The following ADRA1A variants were observed in gnomAD, a reference collection of about 807,000 sequenced individuals.
The protein encoded by ADRA1A is adrenoceptor alpha 1A.
ADRA1A carries 31 observed loss-of-function variants against 29.6 expected under a neutral mutation model. The ratio of observed to expected loss-of-function variants is 1.05; its 90% CI spans 0.79 to 1.41. The LOEUF is 1.41. Among genes scored for constraint, ADRA1A ranks in the 40% most tolerant of loss-of-function variants. The pLI is 0.00. For missense variants in ADRA1A, 619 were observed against 601.1 expected (o/e 1.03, Z -0.31); for synonymous variants, 311 against 254.3 (o/e 1.22, Z -2.12).
At chr8:26,855,926 A>G (rs1002004076) in intron 2 of ADRA1A, among the ~76,000 whole-genome samples, 1 of 152,240 alleles carries the variant, frequency 6.6e-6, no homozygotes, top group Non-Finnish European at 1.5e-5. Context: ...ATGAGGTGAC[A>G]GAACACAGCA....
chr8:26,819,564 C>T (rs2130585972), intron 2 of ADRA1A, among the ~76,000 whole-genome samples: 1 of 152,118 alleles, frequency 6.6e-6, no homozygotes, highest in East Asian at 1.9e-4. Flanking sequence ...TAGATTGTTA[C>T]AACTATAAGA....
At chr8:26,801,880 C>T (rs114748259) in intron 2 of ADRA1A, among the ~76,000 whole-genome samples, 2,647 of 152,092 alleles carry the variant, frequency 0.017, 70 homozygotes, top group African/African-American at 0.057. Context: ...AACATGGTAC[C>T]GGCATAAAAA....
Position 26,864,041 on chromosome 8 carries a change from G to C in ADRA1A, c.883+46C>G, listed in dbSNP as rs3824231. ...AGTCTGGGGTAACAGAAGCCGAGGA[G>C]GGTGAAGACCCCCAGATGCTAAAGT... On this transcript the variant is annotated intron_variant, in intron 2 of 2. Coordinates refer to ENST00000380573, the MANE Select transcript of ADRA1A (RefSeq NM_000680.4). The surrounding 1 kb of genome is among the most constrained non-coding windows in gnomAD (Gnocchi z 8.1). The C allele has an allele frequency of 1.3e-6, 2 of 1,553,534 alleles. No individual in the cohort carries two copies. The highest frequency in any genetic ancestry group is 2.2e-5 in the East Asian group (1 of 44,496).
chr8:26,756,670 C>T lies in ADRA1A; in HGVS notation c.*89G>A, dbSNP rs753452867. On this transcript the variant is annotated 3_prime_UTR_variant, in exon 3 of 3. Coordinates refer to the ADRA1A transcript ENST00000380582. ...GCTCCTGGGCTCCTGGGGTGGATTCCAAAGACAGTGGGTCGCAGGACCAGT... is the reference window on the plus strand; with the variant it reads ...GCTCCTGGGCTCCTGGGGTGGATTCTAAAGACAGTGGGTCGCAGGACCAGT... 4 of 1,610,970 alleles carry T rather than the reference C, an allele frequency of 2.5e-6. No individual in the cohort carries two copies. The East Asian group carries it at 6.7e-5, about 27-fold the overall frequency.
At chr8:26,830,332 G>A (rs1810885984) in intron 2 of ADRA1A, among the ~76,000 whole-genome samples, 1 of 152,204 alleles carries the variant, frequency 6.6e-6, no homozygotes, top group Non-Finnish European at 1.5e-5. Flanking sequence ...GGAGGAACTT[G>A]GCTGTGGTAT....
intron 2 of ADRA1A, among the ~76,000 whole-genome samples, chr8:26,835,637 C>A (rs773436576): frequency 6.6e-6 from 1 of 152,188 alleles, no homozygotes; most frequent in African/African-American, 2.4e-5. Flanking sequence ...TTACCTTCCA[C>A]TTGTCCCTCC....
At chr8:26,767,126 T>C (rs968400402), downstream of ADRA1A, among the ~76,000 whole-genome samples, 1 of 152,134 alleles carries the variant, frequency 6.6e-6, no homozygotes, top group African/African-American at 2.4e-5. Context: ...TAAACTCAAA[T>C]TTTCCCTGTC....
At chr8:26,863,510 A>AT (rs200968352) in intron 2 of ADRA1A, among the ~76,000 whole-genome samples, 427 of 151,638 alleles carry the variant, frequency 2.8e-3, no homozygotes, top group Middle Eastern at 0.01. Context: ...ACATAAAATC[A>AT]TTTTTTTTTC....
intron 2 of ADRA1A, among the ~76,000 whole-genome samples, chr8:26,774,805 T>C (rs1338139939): frequency 6.6e-6 from 1 of 152,182 alleles, no homozygotes; most frequent in East Asian, 1.9e-4. Context: ...AGCAGCTGCA[T>C]GGCCCCAAAC....
intron 2 of ADRA1A, among the ~76,000 whole-genome samples, chr8:26,818,179 G>A (rs1221395903): frequency 2.6e-5 from 4 of 152,094 alleles, no homozygotes; most frequent in East Asian, 3.9e-4. Flanking sequence ...GTGGACAGAC[G>A]GTTTGACTAT....
intron 2 of ADRA1A, among the ~76,000 whole-genome samples, chr8:26,788,426 T>G (rs1807567463): frequency 6.6e-6 from 1 of 152,190 alleles, no homozygotes; most frequent in African/African-American, 2.4e-5. Context: ...TTAGACATAA[T>G]TTTTGAAAAA....
chr8:26,842,409 A>G (rs1811881997), intron 2 of ADRA1A, among the ~76,000 whole-genome samples: 1 of 152,136 alleles, frequency 6.6e-6, no homozygotes, highest in Non-Finnish European at 1.5e-5. Context: ...CTCTCTGTCT[A>G]TGGACAACTA....
At chr8:26,852,678 T>C (rs1391455356) in intron 2 of ADRA1A, among the ~76,000 whole-genome samples, 2 of 152,114 alleles carry the variant, frequency 1.3e-5, no homozygotes, top group Admixed American at 1.3e-4. Flanking sequence ...TCTCAAAGAA[T>C]TGCATCCATA....
In ADRA1A at chr8:26,812,696, A is replaced by G. The variant is rs12674980; in HGVS notation, c.884-42030T>C. 3.4e-3 allele frequency among the ~76,000 whole-genome samples: 507 copies of G among 150,806 alleles called. 15 individuals carry two copies. In the East Asian group the frequency reaches 0.08, roughly 24 times the overall value. On this transcript the variant is annotated intron_variant, in intron 2 of 2. Transcript: ENST00000380573. The stretch of plus-strand genomic sequence containing the variant: ...TATTATTTTTTTGAGATGGGGTCTC[A>G]CTCTGTCACCCAGGCTGGAGTGCAG...
intron 2 of ADRA1A, among the ~76,000 whole-genome samples, chr8:26,828,998 C>T (rs1810787704): frequency 6.6e-6 from 1 of 152,164 alleles, no homozygotes; most frequent in African/African-American, 2.4e-5. Flanking sequence ...AGGTTTTATG[C>T]ATGAGATGGT....
At chr8:26,750,361 C>T (rs1804867940) in intron 2 of ADRA1A, among the ~76,000 whole-genome samples, 1 of 152,108 alleles carries the variant, frequency 6.6e-6, no homozygotes, top group South Asian at 2.1e-4. Context: ...GCCACCATGC[C>T]CAACTAATTT....
At chr8:26,813,717 G>A (rs574795643) in intron 2 of ADRA1A, among the ~76,000 whole-genome samples, 2 of 150,442 alleles carry the variant, frequency 1.3e-5, no homozygotes, top group Non-Finnish European at 2.9e-5. Flanking sequence ...TCAATAGCTA[G>A]TTTTGATAAG....
downstream of ADRA1A, among the ~76,000 whole-genome samples, chr8:26,754,514 G>A (rs892876632): frequency 6.6e-6 from 1 of 151,978 alleles, no homozygotes; most frequent in Non-Finnish European, 1.5e-5. Context: ...ATTGTTAAAG[G>A]TTACAGAAAA....
intron 2 of ADRA1A, chr8:26,748,750 TAAAA>T (rs35884587): frequency 2.4e-3 from 725 of 302,272 alleles, no homozygotes; most frequent in East Asian, 3.8e-3. Flanking sequence ...AGACTTCGTC[TAAAA>T]AAAAAAAAAA....
Sources: allele counts gnomAD v4.1 joint callset (sites outside exome capture counted in the v4.1 genomes callset), GRCh38; gene constraint gnomAD v4.1.1; non-coding constraint Gnocchi (gnomAD v3.1); transcripts MANE v1.5; gene names NCBI Gene and HGNC (gene_info 2026-07-23, HGNC 2026-07-21).